The following AKNA variants were observed in gnomAD, a reference collection of about 807,000 sequenced individuals.
AKNA encodes microtubule organization protein AKNA.
Under a neutral mutation model 138.8 loss-of-function variants are expected in AKNA, and 67 were observed. The ratio of observed to expected loss-of-function variants is 0.48; its 90% CI spans 0.40 to 0.59. The LOEUF is 0.59. Among genes scored for constraint, AKNA ranks in the 20% least tolerant of loss-of-function variants. The pLI is 0.00. For missense variants in AKNA, 1,813 were observed against 1,880.4 expected (o/e 0.96, Z 0.66); for synonymous variants, 737 against 754.4 (o/e 0.98, Z 0.38).
chr9:114,346,668 C>T lies in AKNA; in HGVS notation c.3514+1G>A. 1.2e-6 allele frequency: 2 copies of T among 1,605,354 alleles called. No homozygotes were observed. The highest frequency in any genetic ancestry group is 1.7e-6 in the Non-Finnish European group (2 of 1,175,638). On this transcript the variant is annotated splice_donor_variant, in intron 17 of 21. Transcript: ENST00000374088. LOFTEE classifies it high-confidence loss of function. ...ATCAGCCTTTGCAGGTGGTCACTTA[C>T]TCAGGGACAGTCGGAGCACCTCCCG...
chr9:114,393,377 A>G (rs2132159642), intron 1 of AKNA, among the ~76,000 whole-genome samples: 1 of 144,902 alleles, frequency 6.9e-6, no homozygotes, highest in African/African-American at 2.5e-5. Context: ...CACCACGCCC[A>G]GCTAATTTTT....
chr9:114,375,363 CAAGA>C (rs758458344), intron 3 of AKNA, among the ~76,000 whole-genome samples: 2 of 151,784 alleles, frequency 1.3e-5, no homozygotes, highest in East Asian at 1.9e-4. Context: ...AAAGTAAATG[CAAGA>C]AAGAAAGAAA....
At chr9:114,362,647 T>C (rs551499640) in intron 7 of AKNA, 114 bp from the exon 8 acceptor site, 3 of 1,351,230 alleles carry the variant, frequency 2.2e-6, no homozygotes, top group African/African-American at 3.0e-5. Context: ...CCTGGGCCCC[T>C]GGGTTCATGC....
rs772177643 is a variant in AKNA, at chr9:114,377,267, C to G, written c.540G>C (p.Gly180=). The change falls in exon 3 of 22, where the codon GGG becomes GGC. Residue 180 remains glycine, a synonymous_variant. Coordinates refer to ENST00000374088, the MANE Select transcript of AKNA (RefSeq NM_001317950.2). ...GWVASGEQAS[G]DKLSEHSEVN... ...CCTCGGAATGTTCAGAAAGTTTGTC[C>G]CCACTGGCTTGTTCGCCAGAAGCCA... is the stretch of plus-strand genomic sequence containing the variant. 2 of 1,614,196 alleles carry G rather than the reference C, an allele frequency of 1.2e-6. No individual in the cohort carries two copies. Among genetic ancestry groups the G allele is most frequent in the South Asian group, 1.1e-5 (1 of 91,088 alleles).
At chr9:114,348,636 C>G (rs1211204404) in intron 15 of AKNA, among the ~76,000 whole-genome samples, 1 of 152,250 alleles carries the variant, frequency 6.6e-6, no homozygotes, top group African/African-American at 2.4e-5. Flanking sequence ...CCTCCAGCCA[C>G]CAGCACTGAG....
chr9:114,357,389 A>T (rs188608138), intron 12 of AKNA, among the ~76,000 whole-genome samples: 1 of 152,362 alleles, frequency 6.6e-6, no homozygotes, highest in African/African-American at 2.4e-5. Context: ...AAATATGTAC[A>T]GGTCCTACCC....
chr9:114,354,216 T>C (rs1318545736), intron 14 of AKNA, among the ~76,000 whole-genome samples: 1 of 152,142 alleles, frequency 6.6e-6, no homozygotes, highest in Non-Finnish European at 1.5e-5. Flanking sequence ...TTAAAAACTT[T>C]TCTGTTAGAA....
intron 7 of AKNA, 102 bp from the exon 8 acceptor site, chr9:114,362,635 C>T (rs778288004): frequency 3.4e-5 from 48 of 1,397,108 alleles, no homozygotes; most frequent in Middle Eastern, 2.6e-4. Flanking sequence ...CCATGGGATG[C>T]ACCTGGGCCC....
intron 6 of AKNA, among the ~76,000 whole-genome samples, chr9:114,365,591 A>T (rs1220900100): frequency 6.6e-6 from 1 of 152,038 alleles, no homozygotes; most frequent in Admixed American, 6.5e-5. Flanking sequence ...ATAATATATA[A>T]AATAGAACTA....
At chr9:114,384,228 T>C (rs1186865533) in intron 1 of AKNA, among the ~76,000 whole-genome samples, 1 of 152,156 alleles carries the variant, frequency 6.6e-6, no homozygotes, top group Non-Finnish European at 1.5e-5. Flanking sequence ...CGCTAATATA[T>C]TACATGTATT....
intron 2 of AKNA, among the ~76,000 whole-genome samples, chr9:114,379,980 G>T (rs1270249384): frequency 6.6e-6 from 1 of 152,124 alleles, no homozygotes; most frequent in Non-Finnish European, 1.5e-5. Context: ...GTGAGACCCT[G>T]TCTCTACAAA....
chr9:114,366,098 G>GCTAC (rs1216461268), intron 6 of AKNA, among the ~76,000 whole-genome samples: 2 of 152,072 alleles, frequency 1.3e-5, no homozygotes, highest in African/African-American at 4.8e-5. Context: ...GGCCAACATG[G>GCTAC]TGAAACCCCA....
chr9:114,362,215 C>T (rs775605208), intron 8 of AKNA, among the ~76,000 whole-genome samples, 191 bp downstream of exon 8: 21 of 152,188 alleles, frequency 1.4e-4, no homozygotes, highest in African/African-American at 3.1e-4. Context: ...CTTCTCAGCA[C>T]GTGGGTCCAA....
At chr9:114,340,287 A>G (rs867234942) in intron 21 of AKNA, among the ~76,000 whole-genome samples, 1 of 152,160 alleles carries the variant, frequency 6.6e-6, no homozygotes, top group Non-Finnish European at 1.5e-5. Context: ...TCCAGTCCCA[A>G]TCGACTCATT....
chr9:114,396,397 G>A (rs1424423169), upstream of AKNA, among the ~76,000 whole-genome samples: 5 of 152,168 alleles, frequency 3.3e-5, no homozygotes, highest in African/African-American at 9.7e-5. Context: ...TGGTGGTAAA[G>A]TAGATGGGCG....
chr9:114,390,510 G>A (rs1834291659), upstream of AKNA, among the ~76,000 whole-genome samples: 1 of 152,126 alleles, frequency 6.6e-6, no homozygotes, highest in African/African-American at 2.4e-5. Context: ...ATCTGTCCCC[G>A]TTTCTGCATC....
intron 16 of AKNA, 131 bp from the exon 17 acceptor site, chr9:114,346,915 C>T (rs1442779037): frequency 1.4e-6 from 1 of 722,982 alleles, no homozygotes; most frequent in African/African-American, 1.9e-5. Context: ...AAGTCAAAGC[C>T]AGACTCTGAA....
upstream of AKNA, among the ~76,000 whole-genome samples, chr9:114,394,653 G>T (rs1834473727): frequency 6.6e-6 from 1 of 152,238 alleles, no homozygotes; most frequent in Non-Finnish European, 1.5e-5. Context: ...TGTGTTGCTG[G>T]ATTGGATCCT....
intron 10 of AKNA, 42 bp from the exon 11 acceptor site, chr9:114,359,836 G>C: frequency 6.2e-7 from 1 of 1,612,636 alleles, no homozygotes; most frequent in Non-Finnish European, 8.5e-7. Context: ...CTGCCCAGTG[G>C]GGGACAGCCA....
Sources: gnomAD v4.1 joint callset for allele counts (sites outside exome capture counted in the v4.1 genomes callset) on GRCh38, gnomAD v4.1.1 for gene constraint, MANE v1.5 for transcripts, NCBI Gene and HGNC (gene_info 2026-07-23, HGNC 2026-07-21) for gene names.